The following AP2B1 variants were observed in gnomAD, a reference collection of about 807,000 sequenced individuals.
AP2B1 encodes the protein adaptor related protein complex 2 subunit beta 1.
A neutral mutation model predicts 102.0 loss-of-function variants in AP2B1; 23 were observed. That is an observed-to-expected ratio of 0.23 (90% CI 0.16 to 0.32). The LOEUF is 0.32. Among genes scored for constraint, AP2B1 ranks in the 10% least tolerant of loss-of-function variants. The pLI, the probability that AP2B1 is intolerant of heterozygous loss-of-function variation, is 1.00. For missense variants in AP2B1, 541 were observed against 1,157.4 expected (o/e 0.47, Z 7.73); for synonymous variants, 381 against 421.2 (o/e 0.90, Z 1.17).
chr17:35,593,008 G>A (rs1257956150), intron 1 of AP2B1, among the ~76,000 whole-genome samples: 1 of 152,200 alleles, frequency 6.6e-6, no homozygotes, highest in Non-Finnish European at 1.5e-5. Context: ...AATTGGGATG[G>A]AAGAGTTAAG....
chr17:35,637,373 C>T (rs574530155), intron 10 of AP2B1, among the ~76,000 whole-genome samples: 26 of 152,102 alleles, frequency 1.7e-4, no homozygotes, highest in African/African-American at 5.5e-4. Context: ...TTAGTAGAGA[C>T]GGGGTTTCAC....
intron 18 of AP2B1, among the ~76,000 whole-genome samples, chr17:35,705,940 C>A (rs1450530163): frequency 2.0e-5 from 3 of 152,128 alleles, no homozygotes; most frequent in Non-Finnish European, 2.9e-5. Context: ...CATAACAACC[C>A]CATGAATTTA....
rs587682953 is a variant in AP2B1 at position 35,705,382 on chromosome 17, G to C, written c.2455-3842G>C. 1.5e-3 allele frequency among the ~76,000 whole-genome samples: 225 copies of C among 152,280 alleles called. 2 individuals are homozygous for C. The highest frequency in any genetic ancestry group is 1.3e-3 in the Non-Finnish European group (91 of 68,022). ...AATCTGCCGATAAGCCTTTTAAAAA[G>C]TCTCTTCTAATCTCTTTTTTAACAT... On this transcript the variant is annotated intron_variant, in intron 18 of 21. Coordinates refer to ENST00000610402, the MANE Select transcript of AP2B1 (RefSeq NM_001030006.2).
chr17:35,641,654 C>G (rs745677475), intron 11 of AP2B1, among the ~76,000 whole-genome samples: 15 of 152,092 alleles, frequency 9.9e-5, no homozygotes, highest in African/African-American at 1.2e-4. Flanking sequence ...AAATGCATTT[C>G]GAGGTTAAAA....
In AP2B1 at chr17:35,602,717, C is replaced by T. The variant is rs979446099; in HGVS notation, c.144-2988C>T. Reference sequence around the variant, plus strand: ...TTTACATCACATCTCAGTTCACACTCGCCACATTGTGTTTAGTAGTCACAT... The same window carrying T: ...TTTACATCACATCTCAGTTCACACTTGCCACATTGTGTTTAGTAGTCACAT... On this transcript the variant is annotated intron_variant, in intron 3 of 21. Coordinates refer to ENST00000610402, the MANE Select transcript of AP2B1 (RefSeq NM_001030006.2). Among the ~76,000 whole-genome samples the T allele has an allele frequency of 7.2e-5, 11 of 152,176 alleles. No individual in the cohort carries two copies. In the East Asian group the frequency reaches 1.5e-3, roughly 21 times the overall value.
chr17:35,715,611 CT>C (rs1734853676), intron 20 of AP2B1, among the ~76,000 whole-genome samples: 1 of 152,226 alleles, frequency 6.6e-6, no homozygotes, highest in African/African-American at 2.4e-5. Context: ...ATGATGTTGC[CT>C]AGCAACCCAC....
At position 35,678,214 on chromosome 17, in the gene AP2B1, A is replaced by C. The variant is rs552335931; in HGVS notation, c.2324+3893A>C. Among the ~76,000 whole-genome samples, 5 of 152,234 alleles carry C rather than the reference A, an allele frequency of 3.3e-5. No homozygotes were observed. The South Asian group carries it at 8.3e-4, about 25-fold the overall frequency. On this transcript the variant is annotated intron_variant, in intron 17 of 21. Coordinates refer to ENST00000610402, the MANE Select transcript of AP2B1 (RefSeq NM_001030006.2). ...TATTATTGCTAGTATATAGAAATAT[A>C]ATTGATTTTTATATATTGAACTTGT... is the stretch of plus-strand genomic sequence containing the variant.
chr17:35,616,059 A>G (rs996778784), intron 5 of AP2B1, among the ~76,000 whole-genome samples: 2 of 151,600 alleles, frequency 1.3e-5, no homozygotes, highest in African/African-American at 4.8e-5. Flanking sequence ...TGCTTTGTGG[A>G]AATCATTTTC....
At chr17:35,625,663 A>G (rs2074294441) in intron 6 of AP2B1, among the ~76,000 whole-genome samples, 1 of 151,476 alleles carries the variant, frequency 6.6e-6, no homozygotes, top group South Asian at 2.1e-4. Context: ...AATATAATAT[A>G]TAATATGTAT....
At chr17:35,719,612 A>T (rs979514242) in intron 21 of AP2B1, among the ~76,000 whole-genome samples, 2 of 152,122 alleles carry the variant, frequency 1.3e-5, no homozygotes, top group Admixed American at 6.6e-5. Context: ...CATGTACCAC[A>T]GTTTCTCCAT....
In AP2B1 at chr17:35,726,073, T is replaced by C. The variant is rs1283305172; in HGVS notation, c.*2374T>C. Reference sequence around the variant, plus strand: ...TTGGCTCATTCCAAGCTTGGCCAAATTGGGGAAGTGGGATGGAGGTTGCCC... The same window carrying C: ...TTGGCTCATTCCAAGCTTGGCCAAACTGGGGAAGTGGGATGGAGGTTGCCC... On this transcript the variant is annotated 3_prime_UTR_variant, in exon 22 of 22. Coordinates refer to ENST00000610402, the MANE Select transcript of AP2B1 (RefSeq NM_001030006.2). 1.3e-5 allele frequency: 2 copies of C among 152,180 alleles called. No individual in the cohort carries two copies. Among genetic ancestry groups the C allele is most frequent in the Non-Finnish European group, 2.9e-5 (2 of 68,048 alleles). The allele number at this position is 152,180 out of a possible 1,614,324, so 9.4% of individuals were successfully genotyped here.
intron 7 of AP2B1, 133 bp from the exon 8 acceptor site, chr17:35,627,245 CTTTTTTT>C (rs569701571): frequency 1.1e-3 from 199 of 178,176 alleles, no homozygotes; most frequent in Middle Eastern, 2.9e-3. Flanking sequence ...GAAGTTTATG[CTTTTTTT>C]TTTTTTTTTT....
intron 18 of AP2B1, among the ~76,000 whole-genome samples, chr17:35,695,587 A>G (rs2076126105): frequency 1.3e-5 from 2 of 152,204 alleles, no homozygotes; most frequent in Admixed American, 1.3e-4. Context: ...TAGCAAATGT[A>G]TATGTGACTG....
At chr17:35,694,285 C>A (rs751145057) in intron 18 of AP2B1, among the ~76,000 whole-genome samples, 2 of 151,890 alleles carry the variant, frequency 1.3e-5, no homozygotes, top group Non-Finnish European at 2.9e-5. Context: ...GCTCAACTTC[C>A]CACGTTGGAG....
intron 18 of AP2B1, among the ~76,000 whole-genome samples, chr17:35,691,657 G>A (rs587736069): frequency 1.1e-4 from 16 of 152,250 alleles, no homozygotes; most frequent in Non-Finnish European, 2.1e-4. Context: ...ACTATATAGC[G>A]ATTCCCACGT....
chr17:35,622,739 A>G (rs915605903), intron 5 of AP2B1, among the ~76,000 whole-genome samples: 1 of 152,132 alleles, frequency 6.6e-6, no homozygotes, highest in Non-Finnish European at 1.5e-5. Flanking sequence ...ATCTTGGCTC[A>G]CTGCAACCTT....
At chr17:35,668,065 G>A (rs1225158640) in intron 14 of AP2B1, among the ~76,000 whole-genome samples, 3 of 151,320 alleles carry the variant, frequency 2.0e-5, no homozygotes, top group Non-Finnish European at 4.4e-5. Flanking sequence ...AGCCTTCTGA[G>A]TAGCTGGGAC....
At chr17:35,645,431 A>T (rs952232878) in intron 12 of AP2B1, among the ~76,000 whole-genome samples, 2 of 152,344 alleles carry the variant, frequency 1.3e-5, no homozygotes, top group East Asian at 1.9e-4. Flanking sequence ...GAGTATAATT[A>T]AAAATATTAT....
At chr17:35,700,011 A>G (rs1024720992) in intron 18 of AP2B1, among the ~76,000 whole-genome samples, 1 of 152,096 alleles carries the variant, frequency 6.6e-6, no homozygotes, top group Non-Finnish European at 1.5e-5. Context: ...TGGGAGGATC[A>G]CTTGAGCCCA....
Sources: gnomAD v4.1 joint callset for allele counts (sites outside exome capture counted in the v4.1 genomes callset) on GRCh38, gnomAD v4.1.1 for gene constraint, MANE v1.5 for transcripts, NCBI Gene and HGNC (gene_info 2026-07-23, HGNC 2026-07-21) for gene names.